The following SCFD1 variants were observed in gnomAD, a reference collection of about 807,000 sequenced individuals.
SCFD1 encodes sec1 family domain containing 1, also known as sec1 family domain-containing protein 1.
Under a neutral mutation model 103.2 loss-of-function variants are expected in SCFD1, and 37 were observed. That is an observed-to-expected ratio of 0.36 (90% CI 0.28 to 0.47). SCFD1 has a LOEUF of 0.47. Among genes scored for constraint, SCFD1 ranks in the 20% least tolerant of loss-of-function variants. SCFD1 has a pLI of 1.00. For synonymous variants in SCFD1, 264 were observed against 245.0 expected (o/e 1.08, Z -0.73); for missense variants, 639 against 761.2 (o/e 0.84, Z 1.89).
chr14:30,683,345 G>T, intron 14 of SCFD1: 1 of 594,268 alleles, frequency 1.7e-6, no homozygotes, highest in Non-Finnish European at 3.0e-6. Context: ...AGTCACTGGG[G>T]AACTCTAGTG....
At chr14:30,703,470 A>G (rs1566645292) in intron 17 of SCFD1, among the ~76,000 whole-genome samples, 1 of 151,678 alleles carries the variant, frequency 6.6e-6, no homozygotes, top group Non-Finnish European at 1.5e-5. Flanking sequence ...TGTTAATAGT[A>G]GATAATTCCA....
intron 15 of SCFD1, among the ~76,000 whole-genome samples, chr14:30,698,138 A>C (rs1215876182): frequency 1.3e-5 from 2 of 152,188 alleles, no homozygotes; most frequent in Non-Finnish European, 2.9e-5. Context: ...AAAGCTCTCC[A>C]AACTGTACTT....
At chr14:30,713,525 CT>C (rs1892044988) in intron 19 of SCFD1, among the ~76,000 whole-genome samples, 1 of 152,080 alleles carries the variant, frequency 6.6e-6, no homozygotes, top group Non-Finnish European at 1.5e-5. Context: ...TATAGCAGAA[CT>C]ATAAAACACA....
At chr14:30,690,993 A>G (rs1176011740) in intron 14 of SCFD1, among the ~76,000 whole-genome samples, 1 of 152,222 alleles carries the variant, frequency 6.6e-6, no homozygotes, top group Non-Finnish European at 1.5e-5. Context: ...AAGAAGATTA[A>G]TCTTTGGAAT....
chr14:30,729,576 C>T (rs1893295335), intron 23 of SCFD1, among the ~76,000 whole-genome samples: 1 of 152,166 alleles, frequency 6.6e-6, no homozygotes. Flanking sequence ...CAGTATTACA[C>T]TGTGTTGATC....
chr14:30,626,029 G>C (rs981788333), intron 1 of SCFD1, among the ~76,000 whole-genome samples: 1 of 152,062 alleles, frequency 6.6e-6, no homozygotes, highest in Admixed American at 6.5e-5. Context: ...CCAGGGTGGT[G>C]GTGTCTTTAT....
intron 1 of SCFD1, among the ~76,000 whole-genome samples, chr14:30,624,003 G>A (rs1883124745): frequency 1.3e-5 from 2 of 152,138 alleles, no homozygotes; most frequent in Non-Finnish European, 2.9e-5. Context: ...GTTAGGCATT[G>A]CATTAGGTGA....
intron 16 of SCFD1, among the ~76,000 whole-genome samples, chr14:30,701,475 A>G (rs1340199610): frequency 6.6e-6 from 1 of 152,000 alleles, no homozygotes; most frequent in African/African-American, 2.4e-5. Flanking sequence ...GAATGCCTTG[A>G]ACCTGGGAGG....
intron 4 of SCFD1, chr14:30,634,873 T>G: frequency 2.2e-6 from 1 of 455,984 alleles, no homozygotes; most frequent in Non-Finnish European, 4.4e-6. Context: ...GATCAGGAAT[T>G]TAAGCCTTTC....
intron 7 of SCFD1, chr14:30,643,850 A>AT (rs1229382595): frequency 1.2e-4 from 49 of 425,616 alleles, no homozygotes; most frequent in South Asian, 2.5e-4. Flanking sequence ...TTTATTTTTA[A>AT]TTTTTTTTTA....
At chr14:30,636,652 T>A (rs752305875) in intron 4 of SCFD1, among the ~76,000 whole-genome samples, 12 of 152,140 alleles carry the variant, frequency 7.9e-5, no homozygotes, top group South Asian at 2.1e-4. Context: ...GTTTTGAAAT[T>A]GAGAAATTGT....
rs751395549 is a variant in SCFD1 at position 30,718,741 on chromosome 14, CAGAT to C, written c.1684-581_1684-578del. On this transcript the variant is annotated intron_variant, in intron 20 of 24. Coordinates refer to ENST00000458591, the MANE Select transcript of SCFD1 (RefSeq NM_016106.4). ...ATAAATTAAAACTAAGGCAGGATAT[CAGAT>C]AGGTTATCTTGCCTTGTAAGTCTGG... 3.7e-4 allele frequency among the ~76,000 whole-genome samples: 56 copies of C among 152,260 alleles called. 1 individual carries two copies. The highest frequency in any genetic ancestry group is 6.6e-4 in the Non-Finnish European group (45 of 68,016).
At chr14:30,708,358 G>A (rs1594743758) in intron 19 of SCFD1, among the ~76,000 whole-genome samples, 1 of 151,982 alleles carries the variant, frequency 6.6e-6, no homozygotes, top group South Asian at 2.1e-4. Flanking sequence ...TACAGGCCCC[G>A]ATGTGTGTTG....
At chr14:30,660,348 A>G (rs762470643) in intron 10 of SCFD1, among the ~76,000 whole-genome samples, 1 of 152,202 alleles carries the variant, frequency 6.6e-6, no homozygotes, top group Non-Finnish European at 1.5e-5. Flanking sequence ...TTCTTTGTCA[A>G]GGCCACTTTA....
chr14:30,631,513 C>A (rs1884126344), intron 3 of SCFD1, among the ~76,000 whole-genome samples: 1 of 151,884 alleles, frequency 6.6e-6, no homozygotes, highest in South Asian at 2.1e-4. Context: ...ATCATAAAGT[C>A]AAAAAATCCT....
intron 16 of SCFD1, 143 bp from the exon 17 acceptor site, chr14:30,702,153 C>G (rs1594731143): frequency 9.5e-6 from 5 of 526,882 alleles, no homozygotes; most frequent in Middle Eastern, 4.9e-4. Context: ...TGGGTACTCA[C>G]TTAAGACGTG....
intron 13 of SCFD1, among the ~76,000 whole-genome samples, chr14:30,674,448 C>T (rs1888842011): frequency 6.6e-6 from 1 of 152,140 alleles, no homozygotes; most frequent in Non-Finnish European, 1.5e-5. Context: ...TGAGACCATC[C>T]TGGCCAACAT....
At chr14:30,691,982 A>T (rs143693619) in intron 14 of SCFD1, among the ~76,000 whole-genome samples, 1 of 149,480 alleles carries the variant, frequency 6.7e-6, no homozygotes, top group Non-Finnish European at 1.5e-5. Flanking sequence ...ACAGGGTCTC[A>T]CTATGTTTCC....
chr14:30,669,230 T>TA (rs1888309090), intron 10 of SCFD1, among the ~76,000 whole-genome samples: 1 of 152,078 alleles, frequency 6.6e-6, no homozygotes, highest in Admixed American at 6.6e-5. Flanking sequence ...TCAGTATATT[T>TA]AATTTGCTAA....
Sources: gnomAD v4.1 joint callset for allele counts (sites outside exome capture counted in the v4.1 genomes callset) on GRCh38, gnomAD v4.1.1 for gene constraint, MANE v1.5 for transcripts, NCBI Gene and HGNC (gene_info 2026-07-23, HGNC 2026-07-21) for gene names.